The following KCNU1 variants were observed in gnomAD, a reference collection of about 807,000 sequenced individuals.
KCNU1 encodes potassium calcium-activated channel subfamily U member 1.
Under a neutral mutation model 126.8 loss-of-function variants are expected in KCNU1, and 93 were observed. That is an observed-to-expected ratio of 0.73 (90% CI 0.62 to 0.87). The LOEUF is 0.87. Among genes scored for constraint, KCNU1 ranks in the 40% least tolerant of loss-of-function variants. The pLI is 0.00. For missense variants in KCNU1, 1,330 were observed against 1,367.1 expected (o/e 0.97, Z 0.43); for synonymous variants, 523 against 494.2 (o/e 1.06, Z -0.77).
intron 16 of KCNU1, among the ~76,000 whole-genome samples, chr8:36,842,234 A>G (rs1169506365): frequency 1.3e-5 from 2 of 152,248 alleles, no homozygotes; most frequent in Non-Finnish European, 2.9e-5. Context: ...TTGTAAAATT[A>G]TAGGAAAACA....
chr8:36,789,967 T>C lies in KCNU1; in HGVS notation c.315+2542T>C, dbSNP rs34879669. Among the ~76,000 whole-genome samples, 119 of 152,112 alleles carry C rather than the reference T, an allele frequency of 7.8e-4. 1 individual carries two copies. The highest frequency in any genetic ancestry group is 1.4e-3 in the Non-Finnish European group (97 of 68,026). Reference sequence around the variant, plus strand: ...AAATGGCACAGTGTCTTAAGATTCATAGGGAAGAGCTACAAGACTCAAAGG... The same window carrying C: ...AAATGGCACAGTGTCTTAAGATTCACAGGGAAGAGCTACAAGACTCAAAGG... On this transcript the variant is annotated intron_variant, in intron 2 of 26. Transcript: ENST00000399881.
intron 18 of KCNU1, among the ~76,000 whole-genome samples, chr8:36,861,455 T>G (rs551924838): frequency 1.3e-5 from 2 of 152,314 alleles, no homozygotes; most frequent in African/African-American, 4.8e-5. Context: ...TATAACAATT[T>G]TTATGGCATT....
chr8:36,837,921 T>A (rs1329603104), intron 14 of KCNU1, among the ~76,000 whole-genome samples: 1 of 152,200 alleles, frequency 6.6e-6, no homozygotes, highest in African/African-American at 2.4e-5. Flanking sequence ...TGTTCTCTTT[T>A]TTCTGTGTTC....
chr8:36,854,127 T>C (rs980340935), intron 18 of KCNU1, among the ~76,000 whole-genome samples: 11 of 152,200 alleles, frequency 7.2e-5, no homozygotes, highest in African/African-American at 2.4e-4. Flanking sequence ...GAGTCACTTC[T>C]GTCTTGCTGA....
rs747980455 is a variant in KCNU1 at position 36,787,299 on chromosome 8, A to C, written c.196-7A>C. ...TCACATTGTCAATTTCTTTCTCTTG[A>C]TTGTAGGAACTGTTCACATCAGGTA... On this transcript the variant is annotated splice_polypyrimidine_tract_variant and splice_region_variant and intron_variant, in intron 1 of 26. Coordinates refer to ENST00000399881, the MANE Select transcript of KCNU1 (RefSeq NM_001031836.3). The C allele has an allele frequency of 1.9e-6, 3 of 1,603,780 alleles. No individual in the cohort carries two copies. The highest frequency in any genetic ancestry group is 2.6e-6 in the Non-Finnish European group (3 of 1,174,658).
chr8:36,818,817 G>A (rs548632475), intron 10 of KCNU1, among the ~76,000 whole-genome samples: 7 of 152,240 alleles, frequency 4.6e-5, no homozygotes, highest in Non-Finnish European at 7.4e-5. Flanking sequence ...TGGAATAACC[G>A]ATAGCAGTTT....
At chr8:36,876,717 T>C (rs1359989515) in intron 19 of KCNU1, among the ~76,000 whole-genome samples, 1 of 152,192 alleles carries the variant, frequency 6.6e-6, no homozygotes, top group African/African-American at 2.4e-5. Flanking sequence ...GGTTCTGGTA[T>C]TTTTTCAAGC....
chr8:36,852,432 G>T (rs1805383782), intron 18 of KCNU1, among the ~76,000 whole-genome samples: 4 of 152,086 alleles, frequency 2.6e-5, no homozygotes, highest in Admixed American at 2.0e-4. Context: ...AACGGTTTGT[G>T]AAGGGTTAGT....
At chr8:36,862,289 G>A (rs1805760240) in intron 18 of KCNU1, among the ~76,000 whole-genome samples, 1 of 152,100 alleles carries the variant, frequency 6.6e-6, no homozygotes. Flanking sequence ...CCTTGAGGAA[G>A]GGACTTTGTC....
chr8:36,853,346 C>G (rs1025233411), intron 18 of KCNU1, among the ~76,000 whole-genome samples: 3 of 152,128 alleles, frequency 2.0e-5, no homozygotes, highest in Admixed American at 6.6e-5. Flanking sequence ...CAAGACTTCT[C>G]TCAAAAAATA....
At chr8:36,802,556 C>A (rs1177549171) in intron 2 of KCNU1, among the ~76,000 whole-genome samples, 1 of 152,076 alleles carries the variant, frequency 6.6e-6, no homozygotes, top group Non-Finnish European at 1.5e-5. Context: ...CTTCTATAAC[C>A]AGCTGAATGG....
intron 21 of KCNU1, among the ~76,000 whole-genome samples, chr8:36,910,179 C>A (rs1807810760): frequency 1.3e-5 from 2 of 152,150 alleles, no homozygotes; most frequent in Non-Finnish European, 2.9e-5. Flanking sequence ...CGCACCAAAG[C>A]ATTTTCATAA....
chr8:36,809,270 G>C (rs1334107235), intron 7 of KCNU1, among the ~76,000 whole-genome samples: 1 of 152,120 alleles, frequency 6.6e-6, no homozygotes, highest in South Asian at 2.1e-4. Context: ...CTGTAGGAAA[G>C]TCTGGTTCTT....
chr8:36,928,498 A>G (rs934745999), intron 24 of KCNU1, among the ~76,000 whole-genome samples: 1 of 152,140 alleles, frequency 6.6e-6, no homozygotes, highest in Non-Finnish European at 1.5e-5. Context: ...AAGAAGAAAC[A>G]TAAGGAGGAA....
rs546489000 is a variant in KCNU1, at chr8:36,836,660, C to A, written c.1366-133C>A. The stretch of plus-strand genomic sequence containing the variant: ...TTCTTATCATTTTCATTGACCTGGG[C>A]ACCACTTTTGTGTGCAAAAATGAAG... On this transcript the variant is annotated intron_variant, in intron 13 of 26. Coordinates refer to ENST00000399881, the MANE Select transcript of KCNU1 (RefSeq NM_001031836.3). 1.7e-4 allele frequency: 133 copies of A among 774,838 alleles called. 1 individual carries two copies. In the South Asian group the frequency reaches 2.5e-3, roughly 14 times the overall value. The allele number at this position is 774,838 out of a possible 1,614,324, so 48.0% of individuals were successfully genotyped here. A position where few individuals can be genotyped will look rare whatever the true frequency, so the allele number is the denominator to read the frequency against.
Position 36,931,083 on chromosome 8 carries a change from G to A in KCNU1, c.2869G>A (p.Gly957Arg), listed in dbSNP as rs1428949807. Residue 957 changes from glycine to arginine, a missense_variant, in exon 25 of 27, where the codon GGA becomes AGA. By Grantham distance (125) the Gly-to-Arg change is moderately radical. Transcript: ENST00000399881. ...AGATAGCTGCACGTCGCTCTTGTCT[G>A]GAAGAAACCGGTGTAAGCTGGGGCT... ...VADSCTSLLS[G>R]RNRCKLGLLS... 1 of 1,611,644 alleles carries A rather than the reference G, an allele frequency of 6.2e-7. No individual in the cohort carries two copies. Among genetic ancestry groups the A allele is most frequent in the Admixed American group, 1.7e-5 (1 of 59,730 alleles).
chr8:36,890,358 A>G (rs997661978), intron 19 of KCNU1, among the ~76,000 whole-genome samples: 4 of 152,082 alleles, frequency 2.6e-5, no homozygotes, highest in Non-Finnish European at 4.4e-5. Context: ...CAGCAGCATC[A>G]TAAGAGATGG....
At chr8:36,864,598 G>T in intron 19 of KCNU1, 77 bp downstream of exon 19, 1 of 859,968 alleles carries the variant, frequency 1.2e-6, no homozygotes. Flanking sequence ...ATTTAAACCA[G>T]AATATTTGCT....
intron 18 of KCNU1, among the ~76,000 whole-genome samples, chr8:36,859,763 T>A (rs1805661553): frequency 6.6e-6 from 1 of 152,238 alleles, no homozygotes; most frequent in Non-Finnish European, 1.5e-5. Context: ...ACTAACTGTG[T>A]GACTTTAGGC....
Sources: gnomAD v4.1 joint callset for allele counts (sites outside exome capture counted in the v4.1 genomes callset) on GRCh38, gnomAD v4.1.1 for gene constraint, MANE v1.5 for transcripts, NCBI Gene and HGNC (gene_info 2026-07-23, HGNC 2026-07-21) for gene names.